SLC18A2: variants seen among roughly 807,000 people sequenced by gnomAD.
SLC18A2 encodes solute carrier family 18 member A2.
SLC18A2 carries 33 observed loss-of-function variants against 59.2 expected under a neutral mutation model. That is an observed-to-expected ratio of 0.56 (90% CI 0.42 to 0.75). The LOEUF (loss-of-function observed/expected upper bound fraction) is 0.75, where lower values mean the gene tolerates loss of function less well. SLC18A2 is among the 30% of genes least tolerant of loss of function. The probability of loss-of-function intolerance (pLI) is 0.00; values close to 1 mark genes in which losing one functional copy is unlikely to be tolerated. For synonymous variants in SLC18A2, 228 were observed against 253.5 expected, an observed-to-expected ratio of 0.90 and a Z score of 0.95; for missense variants, 569 against 668.6, an observed-to-expected ratio of 0.85 and a Z score of 1.64.
At position 117,255,508 on chromosome 10, in the gene SLC18A2, C is replaced by T. The variant is rs370431154; in HGVS notation, c.820C>T (p.Arg274Trp). Residue 274 changes from arginine to tryptophan, a missense_variant, in exon 8 of 16, where the codon CGG (arginine) becomes TGG (tryptophan). Arg to Trp is a moderately radical substitution (Grantham distance 101). Transcript: ENST00000644641. ...TCAGCTCTTTGTGCTCCAGCCGTCC[C>T]GGGTGCAGCCAGAGGTAAGCGGCTG... Reference protein sequence around the residue: ...AIQLFVLQPSRVQPESQKGTP... With the variant: ...AIQLFVLQPSWVQPESQKGTP... The T allele has an allele frequency of 6.8e-6, 11 of 1,614,042 alleles. No individual in the cohort carries two copies. Among genetic ancestry groups the T allele is most frequent in the East Asian group, 4.5e-5 (2 of 44,864 alleles).
chr10:117,267,697 G>C lies in SLC18A2; in HGVS notation c.1147G>C (p.Gly383Arg), dbSNP rs1189308770. Residue 383 changes from glycine to arginine, a missense_variant, in exon 13 of 16, where the codon GGA (glycine) becomes CGA (arginine). By Grantham distance (125) the Gly-to-Arg change is moderately radical. Coordinates refer to ENST00000644641, the MANE Select transcript of SLC18A2 (RefSeq NM_003054.6). ...GATTCCATTTGCAAAAAACATTTAT[G>C]GACTCATAGCTCCGAACTTTGGAGT... The part of the protein sequence containing the change: ...LCIPFAKNIY[G>R]LIAPNFGVGF... The C allele has an allele frequency of 2.6e-6, 4 of 1,567,594 alleles. No individual in the cohort carries two copies. The highest frequency in any genetic ancestry group is 3.5e-6 in the Non-Finnish European group (4 of 1,144,234).
rs777692851 is a variant in SLC18A2, at chr10:117,266,734, C to T, written c.993C>T (p.Gly331=). The T allele has an allele frequency of 5.0e-6, 8 of 1,611,862 alleles. No individual in the cohort carries two copies. The highest frequency in any genetic ancestry group is 2.2e-5 in the South Asian group (2 of 90,682). ...ETMCSRKWQL[G]VAFLPASISY... The stretch of plus-strand genomic sequence containing the variant: ...GGTCTCCTTTTCATAAATTTACAGG[C>T]GTTGCCTTCTTGCCAGCTAGTATCT... The change falls in exon 11 of 16, where the codon GGC becomes GGT. Residue 331 remains glycine, a splice_region_variant and synonymous_variant. Transcript: ENST00000644641.
At chr10:117,255,205 C>T (rs1844214521) in intron 6 of SLC18A2, 72 bp from the exon 7 acceptor site, 1 of 1,380,822 alleles carries the variant, frequency 7.2e-7, no homozygotes, top group South Asian at 1.2e-5. Context: ...ACACAAGAGT[C>T]AAATAGATGG....
At position 117,270,468 on chromosome 10, in the gene SLC18A2, GA is replaced by G. The variant is rs1423528469; in HGVS notation, c.1440+10del. 9.3e-6 allele frequency: 15 copies of G among 1,613,022 alleles called. No homozygotes were observed. The highest frequency in any genetic ancestry group is 1.2e-5 in the Non-Finnish European group (14 of 1,179,830). On this transcript the variant is annotated splice_donor_region_variant and intron_variant, in intron 15 of 15. Transcript: ENST00000644641. ...CCTGCCAAAGAAGAAAAAATGGTAA[GA>G]AAAATTTAGGATGCAGTGAGCATTT...
In SLC18A2 at chr10:117,269,246, C is replaced by T. The variant is rs572475304; in HGVS notation, c.1187-825C>T. Among the ~76,000 whole-genome samples, 1 of 140,424 alleles carries T rather than the reference C, an allele frequency of 7.1e-6. No homozygotes were observed. Among genetic ancestry groups the T allele is most frequent in the African/African-American group, 2.5e-5 (1 of 40,678 alleles). 92.1% of individuals were successfully genotyped at this position (140,424 alleles called of 152,430 possible). A position where few individuals can be genotyped will look rare whatever the true frequency, so the allele number is the denominator to read the frequency against. On this transcript the variant is annotated intron_variant, in intron 13 of 15. Coordinates refer to ENST00000644641, the MANE Select transcript of SLC18A2 (RefSeq NM_003054.6). This position sits in a 1 kb window ranked among gnomAD's most constrained non-coding sequence, Gnocchi z 5.1. The stretch of plus-strand genomic sequence containing the variant: ...ACACAAATACAAGTACATACACAAA[C>T]ACATATACACAGACACATACACATG...
At chr10:117,268,882 AGTGT>A (rs367689704) in intron 13 of SLC18A2, among the ~76,000 whole-genome samples, 30 of 150,618 alleles carry the variant, frequency 2.0e-4, no homozygotes, top group African/African-American at 7.3e-4. Flanking sequence ...TGTGTGTATG[AGTGT>A]GTATGTGTGT....
chr10:117,252,927 G>T (rs914578863), intron 3 of SLC18A2, among the ~76,000 whole-genome samples: 1 of 152,140 alleles, frequency 6.6e-6, no homozygotes, highest in Non-Finnish European at 1.5e-5. Flanking sequence ...TTCTGGGTTG[G>T]CCTCATGGGG....
chr10:117,270,007 G>T (rs963341051), intron 13 of SLC18A2, 64 bp from the exon 14 acceptor site: 1 of 1,596,540 alleles, frequency 6.3e-7, no homozygotes. Flanking sequence ...CACACTCCCT[G>T]ATATTCGGCC....
chr10:117,255,191 A>G, intron 6 of SLC18A2, 86 bp from the exon 7 acceptor site: 1 of 1,269,940 alleles, frequency 7.9e-7, no homozygotes, highest in East Asian at 2.3e-5. Flanking sequence ...AAGTAGAGAG[A>G]GAAACACAAG....
rs1357766345 is a variant in SLC18A2 at position 117,244,283 on chromosome 10, C to A, written c.434C>A (p.Thr145Asn). 6.2e-7 allele frequency: 1 copy of A among 1,614,098 alleles called. No individual in the cohort carries two copies. The highest frequency in any genetic ancestry group is 8.5e-7 in the Non-Finnish European group (1 of 1,179,982). Residue 145 changes from threonine to asparagine, a missense_variant, in exon 3 of 16, where the codon ACC becomes AAC. Around this residue, in one of 2 missense-constraint regions of SLC18A2, gnomAD observed 377 missense variants for 389.8 expected, o/e 0.97. Transcript: ENST00000644641. ...TCGAAAGCCACCGTCCAGCTCATCA[C>A]CAACCCTTTCATAGGACTACTGACC... Reference protein sequence around the residue: ...FASKATVQLITNPFIGLLTNR... With the variant: ...FASKATVQLINNPFIGLLTNR...
intron 10 of SLC18A2, among the ~76,000 whole-genome samples, chr10:117,258,991 A>G (rs1327775283): frequency 6.6e-6 from 1 of 152,048 alleles, no homozygotes; most frequent in Non-Finnish European, 1.5e-5. Context: ...GCTTCCTAAT[A>G]CAGTAGATGG....
chr10:117,265,903 A>G (rs1160168822), intron 10 of SLC18A2, among the ~76,000 whole-genome samples: 1 of 152,138 alleles, frequency 6.6e-6, no homozygotes, highest in South Asian at 2.1e-4. Flanking sequence ...CAGCCTGGCC[A>G]ACATGTTGAA....
At chr10:117,252,134 ATTTTTTTTTTTTTTTT>A (rs57101171) in intron 3 of SLC18A2, among the ~76,000 whole-genome samples, 461 of 44,370 alleles carry the variant, frequency 0.01, 9 homozygotes, top group African/African-American at 0.031. Flanking sequence ...CATTTTTTGT[ATTTTTTTTTTTTTTTT>A]TTTTTTTTTT....
In SLC18A2 at chr10:117,255,189, A is replaced by G. The variant is rs181746070; in HGVS notation, c.701-88A>G. 4 of 1,250,528 alleles carry G rather than the reference A, an allele frequency of 3.2e-6. No homozygotes were observed. The East Asian group carries it at 9.4e-5, about 29-fold the overall frequency. The allele number at this position is 1,250,528 out of a possible 1,614,324, so 77.5% of individuals were successfully genotyped here. On this transcript the variant is annotated intron_variant, in intron 6 of 15. Coordinates refer to ENST00000644641, the MANE Select transcript of SLC18A2 (RefSeq NM_003054.6). ...AAAGCCTTATTGGAACAAAGTAGAG[A>G]GAGAAACACAAGAGTCAAATAGATG... is the stretch of plus-strand genomic sequence containing the variant.
In SLC18A2 at chr10:117,241,652, G is replaced by T. The variant is rs745765385; in HGVS notation, c.-15-27G>T. The T allele has an allele frequency of 7.7e-5, 118 of 1,536,462 alleles. No homozygotes were observed. The African/African-American group carries it at 1.3e-3, about 17-fold the overall frequency. ...GAATGGGGGGTCCACGGCCGCCTTGGGTCCTCACCGCGCACCGCGCCCGCA... is the reference window on the plus strand; with the variant it reads ...GAATGGGGGGTCCACGGCCGCCTTGTGTCCTCACCGCGCACCGCGCCCGCA... On this transcript the variant is annotated intron_variant, in intron 1 of 15. Coordinates refer to ENST00000644641, the MANE Select transcript of SLC18A2 (RefSeq NM_003054.6).
intron 13 of SLC18A2, chr10:117,268,029 T>A (rs1013459750): frequency 3.3e-6 from 1 of 301,508 alleles, no homozygotes; most frequent in Non-Finnish European, 6.3e-6. Context: ...TGCACAGAGC[T>A]CATTTTTGTG....
chr10:117,271,726 G>A (rs1285124703), intron 15 of SLC18A2, among the ~76,000 whole-genome samples: 1 of 152,160 alleles, frequency 6.6e-6, no homozygotes, highest in African/African-American at 2.4e-5. Context: ...ACCTCTCTTA[G>A]GAGACATCTG....
chr10:117,274,508 GT>G (rs1844462461), intron 15 of SLC18A2, among the ~76,000 whole-genome samples: 1 of 152,136 alleles, frequency 6.6e-6, no homozygotes, highest in Admixed American at 6.5e-5. Context: ...AGTGATGACC[GT>G]TCTTTATAAG....
chr10:117,266,304 G>A (rs1484697832), intron 10 of SLC18A2, among the ~76,000 whole-genome samples: 1 of 152,060 alleles, frequency 6.6e-6, no homozygotes, highest in Non-Finnish European at 1.5e-5. Flanking sequence ...CTGAGTAATG[G>A]ATGGGGTTTG....
Sources: gnomAD v4.1 joint callset for allele counts (sites outside exome capture counted in the v4.1 genomes callset) on GRCh38, gnomAD v4.1.1 for gene constraint, gnomAD v4.1.1 regional missense constraint, Gnocchi (gnomAD v3.1) non-coding constraint, MANE v1.5 for transcripts, NCBI Gene and HGNC (gene_info 2026-07-23, HGNC 2026-07-21) for gene names.